ZNF385B: variants seen among roughly 807,000 people sequenced by gnomAD.
The protein encoded by ZNF385B is zinc finger protein 533.
A neutral mutation model predicts 39.2 loss-of-function variants in ZNF385B; 23 were observed. That is an observed-to-expected ratio of 0.59 (90% CI 0.42 to 0.83). The LOEUF (loss-of-function observed/expected upper bound fraction) is 0.83, where lower values mean the gene tolerates loss of function less well. Ranked by LOEUF, ZNF385B falls within the 40% of genes least tolerant of loss-of-function variation. The pLI, the probability that ZNF385B is intolerant of heterozygous loss-of-function variation, is 0.00. For synonymous variants in ZNF385B, 205 were observed against 222.6 expected (o/e 0.92, Z 0.70); for missense variants, 552 against 598.9 (o/e 0.92, Z 0.82).
At chr2:179,481,173 C>A (rs1260621459) in intron 6 of ZNF385B, 1 of 152,146 alleles carries the variant, frequency 6.6e-6, no homozygotes, top group Non-Finnish European at 1.5e-5. Context: ...GCAAACACAA[C>A]TGCTTAGAAA....
rs182155203 is a variant in ZNF385B, at chr2:179,762,259, G to A, written c.298+7244C>T. On this transcript the variant is annotated intron_variant, in intron 3 of 9. Transcript: ENST00000410066. ...GGCTGGAGTGCAGTGGCGTGATTTCGGCTCACTGCAACCTCCACCTCCCAG... is the reference window on the plus strand; with the variant it reads ...GGCTGGAGTGCAGTGGCGTGATTTCAGCTCACTGCAACCTCCACCTCCCAG... Among the ~76,000 whole-genome samples, 85 of 151,808 alleles carry A rather than the reference G, an allele frequency of 5.6e-4. 1 individual carries two copies. The East Asian group carries it at 0.012, about 22-fold the overall frequency.
chr2:179,573,555 T>C (rs1430948079), intron 3 of ZNF385B, among the ~76,000 whole-genome samples: 2 of 152,164 alleles, frequency 1.3e-5, no homozygotes, highest in East Asian at 3.8e-4. Context: ...TTTTATTTAT[T>C]AGTTATGTCA....
chr2:179,830,511 A>G (rs1026636522), intron 1 of ZNF385B, among the ~76,000 whole-genome samples: 2 of 152,220 alleles, frequency 1.3e-5, no homozygotes, highest in African/African-American at 4.8e-5. Context: ...TAACATGTAA[A>G]TCCAATGTAA....
At chr2:179,688,977 G>A (rs1040407963) in intron 3 of ZNF385B, among the ~76,000 whole-genome samples, 2 of 152,168 alleles carry the variant, frequency 1.3e-5, no homozygotes, top group Non-Finnish European at 2.9e-5. Flanking sequence ...ATATTTGTAT[G>A]GGAAGAGAAC....
In ZNF385B at chr2:179,607,134, G is replaced by A. The variant is rs116965120; in HGVS notation, c.299-62165C>T. 3.3e-4 allele frequency among the ~76,000 whole-genome samples: 51 copies of A among 152,278 alleles called. No homozygotes were observed. In the East Asian group the frequency reaches 9.6e-3, roughly 29 times the overall value. On this transcript the variant is annotated intron_variant, in intron 3 of 9. Coordinates refer to ENST00000410066, the MANE Select transcript of ZNF385B (RefSeq NM_152520.6). ...CGTGTGCAGGGTGTGGTTTGGATCA[G>A]GACATGGGATGAATAAGAATGGGCC...
At chr2:179,815,955 T>C (rs1018056512) in intron 1 of ZNF385B, among the ~76,000 whole-genome samples, 2 of 152,044 alleles carry the variant, frequency 1.3e-5, no homozygotes, top group Admixed American at 1.3e-4. Context: ...GGTGATCTCA[T>C]TCAGGCTCTT....
At chr2:179,658,918 C>T (rs1165654926) in intron 3 of ZNF385B, among the ~76,000 whole-genome samples, 2 of 152,196 alleles carry the variant, frequency 1.3e-5, no homozygotes, top group Non-Finnish European at 2.9e-5. Flanking sequence ...GCTGGGATTA[C>T]AGGCACATAC....
At chr2:179,748,235 A>G (rs1348081598) in intron 3 of ZNF385B, among the ~76,000 whole-genome samples, 3 of 152,138 alleles carry the variant, frequency 2.0e-5, no homozygotes, top group Non-Finnish European at 4.4e-5. Flanking sequence ...TAGGACATGG[A>G]AAAGATAGGC....
chr2:179,804,830 T>C (rs906143485), intron 1 of ZNF385B, among the ~76,000 whole-genome samples: 1 of 152,210 alleles, frequency 6.6e-6, no homozygotes, highest in Non-Finnish European at 1.5e-5. Context: ...TGTGCCTCTG[T>C]TCTTACCCAC....
chr2:179,447,978 C>CTT (rs60384026), intron 6 of ZNF385B, among the ~76,000 whole-genome samples: 1 of 145,610 alleles, frequency 6.9e-6, no homozygotes, highest in African/African-American at 2.5e-5. Flanking sequence ...GATTTCCATC[C>CTT]TTTTTTTTTT....
intron 1 of ZNF385B, among the ~76,000 whole-genome samples, chr2:179,772,533 AG>A (rs1218570700): frequency 4.6e-5 from 7 of 152,338 alleles, no homozygotes; most frequent in African/African-American, 1.7e-4. Flanking sequence ...TTAGCTGCAG[AG>A]GTCTTGGGAA....
chr2:179,707,909 A>T (rs997350502), intron 3 of ZNF385B, among the ~76,000 whole-genome samples: 1 of 152,188 alleles, frequency 6.6e-6, no homozygotes, highest in Non-Finnish European at 1.5e-5. Context: ...ATCGCTAAGG[A>T]GCCTCAAGTT....
intron 3 of ZNF385B, among the ~76,000 whole-genome samples, chr2:179,658,227 C>T (rs1019288099): frequency 6.6e-6 from 1 of 152,160 alleles, no homozygotes; most frequent in African/African-American, 2.4e-5. Context: ...GAACACTTCA[C>T]ACAAGCGTAG....
intron 3 of ZNF385B, among the ~76,000 whole-genome samples, chr2:179,581,442 T>C (rs1686505547): frequency 6.6e-6 from 1 of 152,224 alleles, no homozygotes; most frequent in Non-Finnish European, 1.5e-5. Flanking sequence ...TGAGCAAATT[T>C]TCAAATGCAA....
chr2:179,787,672 G>C (rs1011818229), intron 1 of ZNF385B, among the ~76,000 whole-genome samples: 1 of 152,122 alleles, frequency 6.6e-6, no homozygotes, highest in Admixed American at 6.6e-5. Context: ...TCGTTGAAAC[G>C]GTCTAGGCTG....
chr2:179,822,938 T>C (rs1707487407), intron 1 of ZNF385B, among the ~76,000 whole-genome samples: 2 of 152,174 alleles, frequency 1.3e-5, no homozygotes, highest in South Asian at 2.1e-4. Context: ...AGTTATTATA[T>C]AACTCTGACC....
intron 3 of ZNF385B, among the ~76,000 whole-genome samples, chr2:179,676,226 C>T (rs1433093686): frequency 6.9e-6 from 1 of 145,074 alleles, no homozygotes; most frequent in Non-Finnish European, 1.5e-5. Context: ...GTAGCTGGGA[C>T]TACAGGCGCC....
chr2:179,848,984 T>C (rs974766749), intron 1 of ZNF385B, among the ~76,000 whole-genome samples: 10 of 152,220 alleles, frequency 6.6e-5, no homozygotes, highest in African/African-American at 2.4e-4. Flanking sequence ...ATATACATTA[T>C]CTCATTGAGT....
chr2:179,733,055 A>T (rs759870180), intron 3 of ZNF385B, among the ~76,000 whole-genome samples: 5 of 152,246 alleles, frequency 3.3e-5, no homozygotes, highest in Non-Finnish European at 5.9e-5. Flanking sequence ...GGACATTCAG[A>T]TGACTATGTA....
Sources: allele counts gnomAD v4.1 joint callset (sites outside exome capture counted in the v4.1 genomes callset), GRCh38; gene constraint gnomAD v4.1.1; transcripts MANE v1.5; gene names NCBI Gene and HGNC (gene_info 2026-07-23, HGNC 2026-07-21).